Variants in MT4 observed in about 807,000 individuals in gnomAD.
The protein encoded by MT4 is metallothionein-4.
In MT4, 11 loss-of-function variants were observed where a neutral mutation model predicts 9.5. That is an observed-to-expected ratio of 1.16 (90% CI 0.73 to 1.92). MT4 has a LOEUF of 1.92. MT4 is among the 30% of genes most tolerant of loss of function. The pLI, the probability that MT4 is intolerant of heterozygous loss-of-function variation, is 0.00. For synonymous variants in MT4, 29 were observed against 24.6 expected (o/e 1.18, Z -0.53); for missense variants, 88 against 78.7 (o/e 1.12, Z -0.45).
intron 1 of MT4, 150 bp from the exon 2 acceptor site, chr16:56,567,601 C>T (rs1242030149): frequency 1.8e-5 from 12 of 666,252 alleles, no homozygotes; most frequent in African/African-American, 5.3e-5. Flanking sequence ...GACACTGGGT[C>T]GATGCTCAGC....
intron 2 of MT4, among the ~76,000 whole-genome samples, chr16:56,568,450 C>T (rs1474460036): frequency 2.6e-5 from 4 of 151,840 alleles, no homozygotes; most frequent in African/African-American, 9.7e-5. Context: ...TATGTAGAGA[C>T]CTATGGCAGG....
chr16:56,566,745 A>AGAAAGAAAGAAGGAAGGAAGGAAGGAAG (rs1567329863), intron 1 of MT4, among the ~76,000 whole-genome samples: 1 of 46,138 alleles, frequency 2.2e-5, no homozygotes, highest in Non-Finnish European at 3.9e-5. Flanking sequence ...AAAGAAAGAA[A>AGAAAGAAAGAAGGAAGGAAGGAAGGAAG]GAAGGAAGGA....
intron 1 of MT4, among the ~76,000 whole-genome samples, chr16:56,565,790 G>A (rs76584911): frequency 6.6e-6 from 1 of 152,164 alleles, no homozygotes; most frequent in Non-Finnish European, 1.5e-5. Flanking sequence ...ACAAGTCTGG[G>A]TGGTGTGGCT....
intron 1 of MT4, 109 bp downstream of exon 1, chr16:56,565,268 A>G (rs1331645628): frequency 3.1e-5 from 38 of 1,237,894 alleles, no homozygotes; most frequent in Admixed American, 2.6e-4. Context: ...GGAGCCACCA[A>G]TGGGGTTCGT....
chr16:56,565,224 G>C, intron 1 of MT4, 65 bp downstream of exon 1: 1 of 1,560,300 alleles, frequency 6.4e-7, no homozygotes, highest in South Asian at 1.2e-5. Flanking sequence ...GGAGCCTGCA[G>C]GTCCCTGATG....
At chr16:56,568,275 A>AGAGAGAGAG (rs1410311513) in intron 2 of MT4, among the ~76,000 whole-genome samples, 3 of 93,528 alleles carry the variant, frequency 3.2e-5, no homozygotes, top group African/African-American at 4.6e-5. Context: ...GAGAGAGAGA[A>AGAGAGAGAG]AGAAAGAAAG....
intron 1 of MT4, among the ~76,000 whole-genome samples, chr16:56,566,853 A>C (rs1959543170): frequency 6.7e-6 from 1 of 149,746 alleles, no homozygotes. Flanking sequence ...GAAAGAAAGA[A>C]AGAAATGAGG....
intron 1 of MT4, among the ~76,000 whole-genome samples, chr16:56,566,989 A>G (rs1279380153): frequency 6.6e-6 from 1 of 151,990 alleles, no homozygotes; most frequent in Non-Finnish European, 1.5e-5. Flanking sequence ...TTTCATCTTG[A>G]CTTGTGAAGG....
At chr16:56,567,521 C>G (rs528054497) in intron 1 of MT4, among the ~76,000 whole-genome samples, 56 of 152,306 alleles carry the variant, frequency 3.7e-4, no homozygotes, top group African/African-American at 1.3e-3. Flanking sequence ...ACAGTTATCC[C>G]AGGCATGATT....
In MT4 at chr16:56,568,860, C is replaced by A. The variant is rs1269171378; in HGVS notation, c.117C>A (p.Pro39=). ...TTTCAGGCTGCTGTCCCTGCTGCCC[C>A]CCGGGCTGTGCCAAATGTGCCCGGG... ...TYWKSCCPCC[P]PGCAKCARGC... is the part of the protein sequence containing the mutation. The change falls in exon 3 of 3, where the codon CCC becomes CCA. Residue 39 remains proline (P), a synonymous_variant. Transcript: ENST00000219162. The A allele has an allele frequency of 1.9e-6, 3 of 1,607,848 alleles. No individual in the cohort carries two copies. The highest frequency in any genetic ancestry group is 2.5e-6 in the Non-Finnish European group (3 of 1,176,844).
intron 1 of MT4, among the ~76,000 whole-genome samples, chr16:56,566,041 G>A (rs1959513773): frequency 6.7e-6 from 1 of 148,884 alleles, no homozygotes; most frequent in Admixed American, 6.9e-5. Context: ...TCCAGCCTAG[G>A]TAATAGAGCA....
intron 2 of MT4, among the ~76,000 whole-genome samples, chr16:56,568,393 G>C (rs1212799534): frequency 3.3e-5 from 5 of 152,018 alleles, no homozygotes; most frequent in African/African-American, 1.2e-4. Context: ...TGTGGGGAGG[G>C]GGTCTAGATG....
At chr16:56,568,271 G>GAGAGAGAGAGAAAGAA (rs1567330643) in intron 2 of MT4, among the ~76,000 whole-genome samples, 7 of 58,644 alleles carry the variant, frequency 1.2e-4, no homozygotes, top group South Asian at 8.3e-4. Context: ...GAGAGAGAGA[G>GAGAGAGAGAGAAAGAA]AGAAAGAAAG....
At chr16:56,566,737 A>AAG (rs1959528448) in intron 1 of MT4, among the ~76,000 whole-genome samples, 1 of 26,626 alleles carries the variant, frequency 3.8e-5, no homozygotes, top group African/African-American at 1.2e-4. Flanking sequence ...AAAGAAAGAA[A>AAG]GAAAGAAAGA....
intron 2 of MT4, 113 bp from the exon 3 acceptor site, chr16:56,568,728 G>GAAACCTCAT: frequency 1.5e-6 from 1 of 676,426 alleles, no homozygotes; most frequent in Non-Finnish European, 2.4e-6. Context: ...AATGTGGATT[G>GAAACCTCAT]AAACCTCATG....
intron 1 of MT4, among the ~76,000 whole-genome samples, chr16:56,566,045 T>C (rs1214867350): frequency 6.9e-6 from 1 of 144,912 alleles, no homozygotes; most frequent in East Asian, 2.0e-4. Context: ...GCCTAGGTAA[T>C]AGAGCAAGAC....
In MT4 at chr16:56,565,177, C is replaced by T. The variant is rs1687872384; in HGVS notation, c.31+18C>T. On this transcript the variant is annotated intron_variant, in intron 1 of 2. Coordinates refer to ENST00000219162, the MANE Select transcript of MT4 (RefSeq NM_032935.3). ...CATGTCTGGTGAGTAAAGAAGCCCTCCCTGGGGTCTGGGAACCTTGGACCA... is the reference window on the plus strand; with the variant it reads ...CATGTCTGGTGAGTAAAGAAGCCCTTCCTGGGGTCTGGGAACCTTGGACCA... 1.2e-6 allele frequency: 2 copies of T among 1,608,196 alleles called. No individual in the cohort carries two copies. Among genetic ancestry groups the T allele is most frequent in the Non-Finnish European group, 1.7e-6 (2 of 1,177,400 alleles).
chr16:56,568,273 GAAAGAAAGAAAGAA>G (rs1207768847), intron 2 of MT4, among the ~76,000 whole-genome samples: 155 of 99,110 alleles, frequency 1.6e-3, no homozygotes, highest in African/African-American at 5.5e-3. Context: ...GAGAGAGAGA[GAAAGAAAGAAAGAA>G]AGAAAGAAAG....
rs1222910003 is a variant in MT4 at position 56,566,832 on chromosome 16, AAAG to A, written c.32-916_32-914del. Among the ~76,000 whole-genome samples the A allele has an allele frequency of 4.3e-3, 522 of 121,508 alleles. 5 individuals are homozygous for A. Among genetic ancestry groups the A allele is most frequent in the South Asian group, 0.013 (47 of 3,674 alleles). The allele number at this position is 121,508 out of a possible 152,430, so 79.7% of individuals were successfully genotyped here. ...AAAGAAAGAAAGAAAAGAAAGAAAG[AAAG>A]AAAGAAAGAAAGAAAGAAAGAAATG... On this transcript the variant is annotated intron_variant, in intron 1 of 2. Coordinates refer to ENST00000219162, the MANE Select transcript of MT4 (RefSeq NM_032935.3).
Sources: allele counts gnomAD v4.1 joint callset (sites outside exome capture counted in the v4.1 genomes callset), GRCh38; gene constraint gnomAD v4.1.1; transcripts MANE v1.5; gene names NCBI Gene and HGNC (gene_info 2026-07-23, HGNC 2026-07-21).